SCLT1: variants seen among roughly 807,000 people sequenced by gnomAD.
SCLT1 encodes sodium channel and clathrin linker 1, also known as sodium channel-associated protein 1.
SCLT1 carries 78 observed loss-of-function variants against 112.8 expected under a neutral mutation model. The ratio of observed to expected loss-of-function variants is 0.69; its 90% CI spans 0.58 to 0.83. The LOEUF (loss-of-function observed/expected upper bound fraction) is 0.83, where lower values mean the gene tolerates loss of function less well. SCLT1 is among the 40% of genes least tolerant of loss of function. The pLI is 0.00. For synonymous variants in SCLT1, 257 were observed against 254.7 expected, an observed-to-expected ratio of 1.01 and a Z score of -0.09; for missense variants, 747 against 770.4, an observed-to-expected ratio of 0.97 and a Z score of 0.36.
chr4:129,007,943 T>C (rs1744176931), intron 5 of SCLT1, among the ~76,000 whole-genome samples: 1 of 152,158 alleles, frequency 6.6e-6, no homozygotes, highest in African/African-American at 2.4e-5. Context: ...CATCGTAACA[T>C]GCCTCTGAGA....
intron 16 of SCLT1, among the ~76,000 whole-genome samples, chr4:128,945,142 C>A (rs1188579246): frequency 6.6e-6 from 1 of 152,086 alleles, no homozygotes; most frequent in South Asian, 2.1e-4. Flanking sequence ...ACTGTACACA[C>A]GCAAAATACT....
intron 18 of SCLT1, among the ~76,000 whole-genome samples, chr4:128,893,763 A>C (rs1733512192): frequency 6.6e-6 from 1 of 152,114 alleles, no homozygotes; most frequent in East Asian, 1.9e-4. Flanking sequence ...GGATGGTCTC[A>C]ATCTCCTGAC....
At chr4:128,933,191 G>A (rs1459068878) in intron 18 of SCLT1, among the ~76,000 whole-genome samples, 2 of 152,008 alleles carry the variant, frequency 1.3e-5, no homozygotes, top group African/African-American at 4.8e-5. Flanking sequence ...GGGCTATTAT[G>A]GCACAAAAGA....
intron 20 of SCLT1, among the ~76,000 whole-genome samples, chr4:128,887,047 A>G (rs1456188714): frequency 6.6e-6 from 1 of 152,176 alleles, no homozygotes; most frequent in Non-Finnish European, 1.5e-5. Flanking sequence ...ATCCTTTAAT[A>G]ACCGTATGAG....
chr4:129,043,465 A>G lies in SCLT1; in HGVS notation c.164T>C (p.Phe55Ser). ...TFENLVFDQS[F>S]LAPLVTEYDK... ...ATACTCAGTAACAAGAGGAGCTAAA[A>G]AGCTAAAAAAAGACAATAAAAATAT... The change falls in exon 4 of 21, where the codon TTT becomes TCT. Residue 55 changes from phenylalanine to serine, a missense_variant and splice_region_variant. Coordinates refer to ENST00000281142, the MANE Select transcript of SCLT1 (RefSeq NM_144643.4). The G allele has an allele frequency of 7.0e-7, 1 of 1,427,320 alleles. No individual in the cohort carries two copies. The highest frequency in any genetic ancestry group is 9.7e-7 in the Non-Finnish European group (1 of 1,028,396). 88.4% of individuals were successfully genotyped at this position (1,427,320 alleles called of 1,614,324 possible). A position where few individuals can be genotyped will look rare whatever the true frequency, so the allele number is the denominator to read the frequency against.
At chr4:129,020,600 G>C (rs1745380579) in intron 5 of SCLT1, among the ~76,000 whole-genome samples, 1 of 152,162 alleles carries the variant, frequency 6.6e-6, no homozygotes, top group South Asian at 2.1e-4. Flanking sequence ...ACATAGAGGG[G>C]TACCACCATA....
At chr4:128,999,066 T>C (rs984502749) in intron 7 of SCLT1, among the ~76,000 whole-genome samples, 1 of 151,980 alleles carries the variant, frequency 6.6e-6, no homozygotes, top group African/African-American at 2.4e-5. Context: ...TGAGTTCTTG[T>C]CAATAGACGT....
chr4:128,978,116 T>C (rs1487447139), intron 9 of SCLT1, among the ~76,000 whole-genome samples: 1 of 152,184 alleles, frequency 6.6e-6, no homozygotes, highest in Non-Finnish European at 1.5e-5. Flanking sequence ...CCTCTACTCC[T>C]TCAATCATAG....
At chr4:128,986,334 T>C (rs1321684334) in intron 9 of SCLT1, among the ~76,000 whole-genome samples, 1 of 152,122 alleles carries the variant, frequency 6.6e-6, no homozygotes, top group Non-Finnish European at 1.5e-5. Context: ...GAAAACCAAG[T>C]CTTTGCTGCC....
chr4:128,991,612 G>T (rs1742577933), intron 9 of SCLT1, among the ~76,000 whole-genome samples: 1 of 151,600 alleles, frequency 6.6e-6, no homozygotes, highest in Non-Finnish European at 1.5e-5. Flanking sequence ...TATATAAGGA[G>T]CTAAAACAAC....
intron 5 of SCLT1, among the ~76,000 whole-genome samples, chr4:129,021,787 G>A (rs1191551895): frequency 2.0e-5 from 3 of 152,222 alleles, no homozygotes; most frequent in African/African-American, 7.2e-5. Context: ...ATCCTGACAA[G>A]AGGGATTCTC....
chr4:128,994,096 A>G (rs1452219437), intron 8 of SCLT1, among the ~76,000 whole-genome samples: 2 of 152,108 alleles, frequency 1.3e-5, no homozygotes, highest in Non-Finnish European at 2.9e-5. Flanking sequence ...ATTGCTGACT[A>G]CAGGTACAAT....
intron 18 of SCLT1, among the ~76,000 whole-genome samples, chr4:128,933,684 C>A (rs769736458): frequency 6.6e-6 from 1 of 152,100 alleles, no homozygotes; most frequent in Non-Finnish European, 1.5e-5. Flanking sequence ...AGAGAATACA[C>A]GTTCTTAACG....
rs779281649 is a variant in SCLT1, at chr4:129,044,041, C to A, written c.113G>T (p.Cys38Phe). 2.5e-5 allele frequency: 39 copies of A among 1,562,722 alleles called. No individual in the cohort carries two copies. The Admixed American group carries it at 6.3e-4, about 25-fold the overall frequency. The change falls in exon 3 of 21, where the codon TGC (cysteine) becomes TTC (phenylalanine). Residue 38 changes from cysteine to phenylalanine, a missense_variant. Around this residue, in one of 2 missense-constraint regions of SCLT1, gnomAD observed 723 missense variants for 721.3 expected, o/e 1.00. Coordinates refer to ENST00000281142, the MANE Select transcript of SCLT1 (RefSeq NM_144643.4). ...AAATGTGTCGTCTCCTTCTCCTTGG[C>A]AGACAGCTTTCTATAAAAGAATGTA... ...SKYSSVQKAV[C>F]QGEGDDTFEN...
intron 14 of SCLT1, among the ~76,000 whole-genome samples, chr4:128,951,731 A>G (rs1738757696): frequency 6.6e-6 from 1 of 152,140 alleles, no homozygotes; most frequent in Non-Finnish European, 1.5e-5. Flanking sequence ...CTCCACAACA[A>G]CAAAAAATTA....
chr4:128,892,873 G>C (rs550761541), intron 18 of SCLT1, among the ~76,000 whole-genome samples: 162 of 152,166 alleles, frequency 1.1e-3, no homozygotes, highest in Non-Finnish European at 2.0e-3. Flanking sequence ...TTTTAGCTTT[G>C]AGTGATAATG....
intron 5 of SCLT1, chr4:128,874,318 TTAATC>T (rs946642462): frequency 6.6e-6 from 1 of 152,558 alleles, no homozygotes; most frequent in African/African-American, 2.4e-5. Flanking sequence ...AAAATCTAAA[TTAATC>T]TAGTAAGTGT....
chr4:128,970,495 ACT>A, intron 9 of SCLT1, 27 bp from the exon 10 acceptor site: 2 of 1,254,676 alleles, frequency 1.6e-6, no homozygotes, highest in Non-Finnish European at 2.3e-6. Flanking sequence ...ATTAATAAAC[ACT>A]GTTTTCATAG....
intron 2 of SCLT1, among the ~76,000 whole-genome samples, chr4:129,064,803 T>C (rs956765464): frequency 5.3e-5 from 8 of 152,196 alleles, no homozygotes; most frequent in Non-Finnish European, 1.2e-4. Context: ...GGTTAACTTT[T>C]TGTTGTTGCT....
Sources: allele counts gnomAD v4.1 joint callset (sites outside exome capture counted in the v4.1 genomes callset), GRCh38; gene constraint gnomAD v4.1.1; regional missense constraint gnomAD v4.1.1; transcripts MANE v1.5; gene names NCBI Gene and HGNC (gene_info 2026-07-23, HGNC 2026-07-21).